The following FGGY variants were observed in gnomAD, a reference collection of about 807,000 sequenced individuals.
FGGY encodes FGGY carbohydrate kinase domain-containing protein.
In FGGY, 72 loss-of-function variants were observed where a neutral mutation model predicts 71.3. The ratio of observed to expected loss-of-function variants is 1.01; its 90% CI spans 0.84 to 1.23. FGGY has a LOEUF of 1.23. Among genes scored for constraint, FGGY ranks in the 50% most tolerant of loss-of-function variants. The probability of loss-of-function intolerance (pLI) is 0.00; values close to 1 mark genes in which losing one functional copy is unlikely to be tolerated. For synonymous variants in FGGY, 251 were observed against 250.3 expected (o/e 1.00, Z -0.02); for missense variants, 668 against 682.3 (o/e 0.98, Z 0.23).
chr1:59,606,855 C>T (rs2096628478), intron 8 of FGGY, among the ~76,000 whole-genome samples: 2 of 152,060 alleles, frequency 1.3e-5, no homozygotes, highest in African/African-American at 2.4e-5. Flanking sequence ...TTTGTCTTTA[C>T]CATCTCATGA....
At chr1:59,480,954 A>G (rs990316497) in intron 6 of FGGY, among the ~76,000 whole-genome samples, 2 of 152,104 alleles carry the variant, frequency 1.3e-5, no homozygotes, top group African/African-American at 4.8e-5. Context: ...AAATGTTGGT[A>G]TTTTTATTTA....
intron 7 of FGGY, among the ~76,000 whole-genome samples, chr1:59,518,702 T>C (rs749004384): frequency 1.1e-4 from 17 of 152,196 alleles, no homozygotes; most frequent in Non-Finnish European, 2.4e-4. Flanking sequence ...GCTCCGGCCA[T>C]GTGAAGTGCC....
intron 1 of FGGY, among the ~76,000 whole-genome samples, chr1:59,313,410 T>C (rs937649711): frequency 1.1e-4 from 16 of 152,208 alleles, no homozygotes; most frequent in African/African-American, 3.9e-4. Context: ...CACTTAATAT[T>C]TGTTTGTTTA....
At chr1:59,455,964 C>T (rs1222141701) in intron 5 of FGGY, among the ~76,000 whole-genome samples, 1 of 152,200 alleles carries the variant, frequency 6.6e-6, no homozygotes, top group Non-Finnish European at 1.5e-5. Context: ...AGAAATGTAG[C>T]TGGAAAGCAT....
At chr1:59,413,666 C>T (rs1252435553) in intron 5 of FGGY, among the ~76,000 whole-genome samples, 3 of 152,120 alleles carry the variant, frequency 2.0e-5, no homozygotes, top group African/African-American at 7.2e-5. Context: ...AAAACCCAGA[C>T]TTGCAGCTTT....
chr1:59,513,522 AG>A (rs66877745), intron 7 of FGGY, among the ~76,000 whole-genome samples: 1,985 of 152,360 alleles, frequency 0.013, 44 homozygotes, highest in African/African-American at 0.045. Context: ...TGCTCTGCAT[AG>A]CCTTCCATGA....
chr1:59,353,457 A>ATTTTC (rs1249783225), intron 4 of FGGY, among the ~76,000 whole-genome samples: 67 of 152,274 alleles, frequency 4.4e-4, no homozygotes, highest in Non-Finnish European at 7.4e-4. Flanking sequence ...TCTAGAGACA[A>ATTTTC]TCATAGAAAA....
chr1:59,633,761 T>A lies in FGGY; in HGVS notation c.1074-4467T>A, dbSNP rs186219962. Among the ~76,000 whole-genome samples, 108 of 152,148 alleles carry A rather than the reference T, an allele frequency of 7.1e-4. 1 individual carries two copies. Among genetic ancestry groups the A allele is most frequent in the Non-Finnish European group, 8.4e-4 (57 of 68,000 alleles). Reference sequence around the variant, plus strand: ...AGAAAGAAATGGACAGGAGTTAAGGTCATATATTTGGAAGTCCTCAGCACT... The same window carrying A: ...AGAAAGAAATGGACAGGAGTTAAGGACATATATTTGGAAGTCCTCAGCACT... On this transcript the variant is annotated intron_variant, in intron 10 of 15. Transcript: ENST00000303721.
chr1:59,668,673 C>G (rs2097347073), intron 13 of FGGY, among the ~76,000 whole-genome samples: 1 of 152,168 alleles, frequency 6.6e-6, no homozygotes, highest in African/African-American at 2.4e-5. Flanking sequence ...AGACACAAGT[C>G]TGAGGACAGT....
chr1:59,325,554 A>G (rs1482293799), intron 2 of FGGY, among the ~76,000 whole-genome samples: 1 of 152,048 alleles, frequency 6.6e-6, no homozygotes, highest in African/African-American at 2.4e-5. Context: ...TTATCTTTGC[A>G]TTTTACTTGT....
intron 8 of FGGY, among the ~76,000 whole-genome samples, chr1:59,556,802 C>T (rs1231492880): frequency 2.0e-5 from 3 of 152,314 alleles, no homozygotes; most frequent in Middle Eastern, 3.4e-3. Flanking sequence ...TGTTATTAAA[C>T]TTTCCTAGTG....
At chr1:59,492,325 T>A (rs2093891227) in intron 6 of FGGY, among the ~76,000 whole-genome samples, 1 of 152,148 alleles carries the variant, frequency 6.6e-6, no homozygotes. Flanking sequence ...GTTTCATGCT[T>A]GAGAATGGGG....
At chr1:59,593,114 T>C (rs1180970378) in intron 8 of FGGY, among the ~76,000 whole-genome samples, 1 of 152,172 alleles carries the variant, frequency 6.6e-6, no homozygotes, top group Non-Finnish European at 1.5e-5. Context: ...CCCCACTCTG[T>C]GTGGGACATT....
chr1:59,332,909 CAAT>C (rs1312597465), intron 2 of FGGY, among the ~76,000 whole-genome samples: 2 of 152,120 alleles, frequency 1.3e-5, no homozygotes, highest in Admixed American at 1.3e-4. Context: ...TCCATGAACA[CAAT>C]AAGGCATTGA....
At chr1:59,419,045 A>G (rs1472052391) in intron 5 of FGGY, among the ~76,000 whole-genome samples, 1 of 152,186 alleles carries the variant, frequency 6.6e-6, no homozygotes, top group Non-Finnish European at 1.5e-5. Flanking sequence ...TGTAGGAGCT[A>G]TGGCTGTAGA....
At chr1:59,332,904 GAACA>G (rs2048776143) in intron 2 of FGGY, among the ~76,000 whole-genome samples, 1 of 152,148 alleles carries the variant, frequency 6.6e-6, no homozygotes, top group African/African-American at 2.4e-5. Context: ...AACATTCCAT[GAACA>G]CAATAAGGCA....
At chr1:59,487,040 A>G (rs2093677725) in intron 6 of FGGY, among the ~76,000 whole-genome samples, 1 of 152,226 alleles carries the variant, frequency 6.6e-6, no homozygotes, top group Non-Finnish European at 1.5e-5. Flanking sequence ...TACATAGACC[A>G]TGATGGGAGT....
intron 14 of FGGY, chr1:59,699,171 G>T: frequency 1.0e-6 from 1 of 985,332 alleles, no homozygotes; most frequent in Non-Finnish European, 1.2e-6. Context: ...GTGAGCTTCA[G>T]CTGAGTCCCT....
chr1:59,472,858 A>G (rs577828173), intron 6 of FGGY, among the ~76,000 whole-genome samples: 13 of 152,094 alleles, frequency 8.5e-5, no homozygotes, highest in East Asian at 1.9e-4. Flanking sequence ...AAACACACCA[A>G]TCAGCACCCA....
Sources: gnomAD v4.1 joint callset for allele counts (sites outside exome capture counted in the v4.1 genomes callset) on GRCh38, gnomAD v4.1.1 for gene constraint, MANE v1.5 for transcripts, NCBI Gene and HGNC (gene_info 2026-07-23, HGNC 2026-07-21) for gene names.